The following MAPK15 variants were observed in gnomAD, a reference collection of about 807,000 sequenced individuals.
The protein encoded by MAPK15 is mitogen-activated protein kinase 15.
A neutral mutation model predicts 60.8 loss-of-function variants in MAPK15; 61 were observed. The ratio of observed to expected loss-of-function variants is 1.00; its 90% CI spans 0.82 to 1.24. MAPK15 has a LOEUF of 1.24. Ranked by LOEUF, MAPK15 falls within the 50% of genes most tolerant of loss-of-function variation. The pLI is 0.00. For synonymous variants in MAPK15, 356 were observed against 319.9 expected, an observed-to-expected ratio of 1.11 and a Z score of -1.21; for missense variants, 808 against 741.1, an observed-to-expected ratio of 1.09 and a Z score of -1.05.
intron 4 of MAPK15, chr8:143,718,540 T>C (rs1554618916): frequency 1.6e-6 from 1 of 624,514 alleles, no homozygotes; most frequent in African/African-American, 1.8e-5. Flanking sequence ...AGTTTGCAGT[T>C]GCGTTCTCCT....
rs1554619996 is a variant in MAPK15 at position 143,721,833 on chromosome 8, G to A, written c.1411G>A (p.Gly471Ser). The A allele has an allele frequency of 6.2e-7, 1 of 1,610,646 alleles. No individual in the cohort carries two copies. Among genetic ancestry groups the A allele is most frequent in the South Asian group, 1.1e-5 (1 of 90,794 alleles). Residue 471 changes from glycine (G) to serine (S), a missense_variant, in exon 13 of 14, where the codon GGT becomes AGT. Coordinates refer to ENST00000338033, the MANE Select transcript of MAPK15 (RefSeq NM_139021.3). ...AQVANQALIRGDWNRGGGVRV... is the reference protein window; with the variant it reads ...AQVANQALIRSDWNRGGGVRV... Reference sequence around the variant, plus strand: ...GGTGGCCAACCAGGCCCTGATCCGGGGTGACTGGAACCGGGGCGGTGGGGT... The same window carrying A: ...GGTGGCCAACCAGGCCCTGATCCGGAGTGACTGGAACCGGGGCGGTGGGGT...
chr8:143,722,257 C>T lies in MAPK15; in HGVS notation c.*6C>T, dbSNP rs1554620246. 4 of 1,559,058 alleles carry T rather than the reference C, an allele frequency of 2.6e-6. No homozygotes were observed. The highest frequency in any genetic ancestry group is 1.2e-5 in the South Asian group (1 of 83,076). Reference sequence around the variant, plus strand: ...TGGAGGGGCACCATGTGTGAGCCGCCCTACTCCCTTCACCTGGCCCTCTGT... The same window carrying T: ...TGGAGGGGCACCATGTGTGAGCCGCTCTACTCCCTTCACCTGGCCCTCTGT... On this transcript the variant is annotated 3_prime_UTR_variant, in exon 14 of 14. Coordinates refer to ENST00000338033, the MANE Select transcript of MAPK15 (RefSeq NM_139021.3).
Position 143,719,180 on chromosome 8 carries a change from C to T in MAPK15, c.581+24C>T, listed in dbSNP as rs782639802. The T allele has an allele frequency of 6.1e-4, 926 of 1,513,214 alleles. 1 individual carries two copies. Among genetic ancestry groups the T allele is most frequent in the Non-Finnish European group, 7.4e-4 (837 of 1,126,284 alleles). 93.7% of individuals were successfully genotyped at this position (1,513,214 alleles called of 1,614,324 possible). A position where few individuals can be genotyped will look rare whatever the true frequency, so the allele number is the denominator to read the frequency against. On this transcript the variant is annotated intron_variant, in intron 6 of 13. Transcript: ENST00000338033. ...CGGTAATAGCGAGACATCCCCAACCCCCCCTCCACCTCCCTGCTGCCCTCC... is the reference window on the plus strand; with the variant it reads ...CGGTAATAGCGAGACATCCCCAACCTCCCCTCCACCTCCCTGCTGCCCTCC...
At position 143,717,771 on chromosome 8, in the gene MAPK15, T is replaced by A. The variant is rs781856933; in HGVS notation, c.144T>A (p.Phe48Leu). The change falls in exon 2 of 14, where the codon TTT becomes TTA. Residue 48 changes from phenylalanine to leucine, a missense_variant. Phe to Leu is a conservative substitution (Grantham distance 22). Coordinates refer to ENST00000338033, the MANE Select transcript of MAPK15 (RefSeq NM_139021.3). The stretch of plus-strand genomic sequence containing the variant: ...CCATCAAGAAAATCTTTGATGCTTT[T>A]AGGGATAAGACAGATGCCCAGGTGA... ...VVAIKKIFDA[F>L]RDKTDAQRTF... is the part of the protein sequence containing the mutation. The A allele has an allele frequency of 6.2e-7, 1 of 1,611,756 alleles. No homozygotes were observed. Among genetic ancestry groups the A allele is most frequent in the Non-Finnish European group, 8.5e-7 (1 of 1,179,242 alleles).
In MAPK15 at chr8:143,718,913, T is replaced by G. The variant is rs1424652096; in HGVS notation, c.417+8T>G. 1.9e-6 allele frequency: 3 copies of G among 1,600,756 alleles called. No homozygotes were observed. The African/African-American group carries it at 4.0e-5, about 21-fold the overall frequency. On this transcript the variant is annotated splice_region_variant and intron_variant, in intron 5 of 13. Transcript: ENST00000338033. ...GTGCACCGGGACCAGAAGGTGCGGT[T>G]CCCCCGCCCCCGCTATGCCACGTGG... is the stretch of plus-strand genomic sequence containing the variant.
At position 143,722,225 on chromosome 8, in the gene MAPK15, C is replaced by T. The variant is rs1554620227; in HGVS notation, c.1609C>T (p.Pro537Ser). The T allele has an allele frequency of 6.3e-7, 1 of 1,595,920 alleles. No individual in the cohort carries two copies. ...CTGCCACTCGGCACTGGGCCACCTG[C>T]CCCTGCTGGAGGGGCACCATGTGTG... ...TVCHSALGHLPLLEGHHV is the reference protein window; with the variant it reads ...TVCHSALGHLSLLEGHHV Residue 537 changes from proline to serine, a missense_variant, in exon 14 of 14, where the codon CCC becomes TCC. Pro to Ser is a moderately conservative substitution (Grantham distance 74, BLOSUM62 -1). Transcript: ENST00000338033.
Position 143,720,180 on chromosome 8 carries a change from GC to G in MAPK15, c.722-46del, listed in dbSNP as rs1563750660. The G allele has an allele frequency of 6.5e-7, 1 of 1,543,692 alleles. No homozygotes were observed. Among genetic ancestry groups the G allele is most frequent in the Non-Finnish European group, 8.7e-7 (1 of 1,146,718 alleles). ...TGACTGGCCCCAGATGCCCTGAGCCGCCCCAGCCGACCAGGCCTGCCTGGGT... is the reference window on the plus strand; with the variant it reads ...TGACTGGCCCCAGATGCCCTGAGCCGCCCAGCCGACCAGGCCTGCCTGGGT... On this transcript the variant is annotated intron_variant, in intron 7 of 13. Coordinates refer to ENST00000338033, the MANE Select transcript of MAPK15 (RefSeq NM_139021.3). The surrounding 1 kb of genome is among the most constrained non-coding windows in gnomAD (Gnocchi z 4.6).
At position 143,721,097 on chromosome 8, in the gene MAPK15, G is replaced by C. The variant is rs375345657; in HGVS notation, c.1015G>C (p.Val339Leu). Residue 339 changes from valine (V) to leucine (L), a missense_variant, in exon 10 of 14, where the codon GTC (valine) becomes CTC (leucine). By Grantham distance (32) the Val-to-Leu change is conservative. Coordinates refer to ENST00000338033, the MANE Select transcript of MAPK15 (RefSeq NM_139021.3). ...QLSVPEYRSR[V>L]YQMILECGGS... ...CTCTGTGCCTGAGTACCGCAGCCGC[G>C]TCTATCAGGTGCTCCGGCTCTCGAC... 2.5e-6 allele frequency: 4 copies of C among 1,610,416 alleles called. No homozygotes were observed. In the African/African-American group the frequency reaches 4.0e-5, roughly 16 times the overall value.
In MAPK15 at chr8:143,720,686, C is replaced by G. The variant is rs73718145; in HGVS notation, c.780-17C>G. ...CCCTTGGGTCGGGCCCTGGAGACGACACACGGCAGCCCACAGGCCACGACA... is the reference window on the plus strand; with the variant it reads ...CCCTTGGGTCGGGCCCTGGAGACGAGACACGGCAGCCCACAGGCCACGACA... On this transcript the variant is annotated splice_polypyrimidine_tract_variant and intron_variant, in intron 8 of 13. Coordinates refer to ENST00000338033, the MANE Select transcript of MAPK15 (RefSeq NM_139021.3). The surrounding 1 kb of genome is among the most constrained non-coding windows in gnomAD (Gnocchi z 4.6). 1.9e-6 allele frequency: 3 copies of G among 1,605,664 alleles called. No individual in the cohort carries two copies. The highest frequency in any genetic ancestry group is 1.7e-5 in the Admixed American group (1 of 58,406).
chr8:143,722,195 A>G lies in MAPK15; in HGVS notation c.1579A>G (p.Thr527Ala). ...LLGGYSQAYG[T>A]VCHSALGHLP... ...TGGAGGCTACTCCCAAGCCTACGGG[A>G]CTGTCTGCCACTCGGCACTGGGCCA... The change falls in exon 14 of 14, where the codon ACT becomes GCT. Residue 527 changes from threonine to alanine, a missense_variant. By Grantham distance (58) the Thr-to-Ala change is moderately conservative. Coordinates refer to ENST00000338033, the MANE Select transcript of MAPK15 (RefSeq NM_139021.3). 4.4e-6 allele frequency: 7 copies of G among 1,608,164 alleles called. No homozygotes were observed. Among genetic ancestry groups the G allele is most frequent in the Non-Finnish European group, 5.9e-6 (7 of 1,177,580 alleles).
At chr8:143,716,936 G>A (rs1330548375) in intron 1 of MAPK15, among the ~76,000 whole-genome samples, 6 of 152,266 alleles carry the variant, frequency 3.9e-5, no homozygotes, top group African/African-American at 9.6e-5. Flanking sequence ...GTGTGTGTGC[G>A]TGGGTGTGTG....
rs1554619585 is a variant in MAPK15, at chr8:143,720,888, G to A, written c.917+48G>A. 1.3e-6 allele frequency: 2 copies of A among 1,595,740 alleles called. No homozygotes were observed. The highest frequency in any genetic ancestry group is 2.2e-5 in the East Asian group (1 of 44,622). On this transcript the variant is annotated intron_variant, in intron 9 of 13. Coordinates refer to ENST00000338033, the MANE Select transcript of MAPK15 (RefSeq NM_139021.3). The surrounding 1 kb of genome is among the most constrained non-coding windows in gnomAD (Gnocchi z 4.6). ...CAAGTGCGGGGGGACAGAGGTGGGG[G>A]CAGGAGAGAGCCAGCCCATGAGGGA...
intron 3 of MAPK15, 27 bp downstream of exon 3, chr8:143,718,103 A>G (rs1817883008): frequency 1.2e-6 from 2 of 1,613,912 alleles, no homozygotes; most frequent in Non-Finnish European, 1.7e-6. Context: ...CTCCAGTCCA[A>G]TCCCCTTGCC....
chr8:143,718,417 TG>T, intron 4 of MAPK15, 115 bp downstream of exon 4: 1 of 955,478 alleles, frequency 1.0e-6, no homozygotes, highest in Non-Finnish European at 1.7e-6. Context: ...CACAGTGGCT[TG>T]CTCCCTCACC....
intron 1 of MAPK15, among the ~76,000 whole-genome samples, chr8:143,716,945 T>TG (rs1391721339): frequency 2.6e-4 from 39 of 147,832 alleles, no homozygotes; most frequent in African/African-American, 8.8e-4. Context: ...CGTGGGTGTG[T>TG]GGGGGGGTGT....
chr8:143,722,404 AG>A lies in MAPK15; in HGVS notation c.*156del, dbSNP rs1332512046. The A allele has an allele frequency of 1.6e-6, 1 of 611,136 alleles. No individual in the cohort carries two copies. Among genetic ancestry groups the A allele is most frequent in the African/African-American group, 1.9e-5 (1 of 52,062 alleles). 37.9% of individuals were successfully genotyped at this position (611,136 alleles called of 1,614,324 possible). On this transcript the variant is annotated 3_prime_UTR_variant, in exon 14 of 14. Transcript: ENST00000338033. Reference sequence around the variant, plus strand: ...CCGGGTCTCCTCGGGGGAGCAGATGAGGGCCCTGCCCCCGCCCCACTGACTT... The same window carrying A: ...CCGGGTCTCCTCGGGGGAGCAGATGAGGCCCTGCCCCCGCCCCACTGACTT...
chr8:143,717,622 CTGTAGGG>C, intron 1 of MAPK15, 65 bp from the exon 2 acceptor site: 2 of 1,321,542 alleles, frequency 1.5e-6, no homozygotes, highest in Non-Finnish European at 1.1e-6. Context: ...AGCCTCATGT[CTGTAGGG>C]ACAATCTGGG....
intron 1 of MAPK15, among the ~76,000 whole-genome samples, 176 bp from the exon 2 acceptor site, chr8:143,717,518 T>G (rs1420583562): frequency 6.6e-6 from 1 of 151,908 alleles, no homozygotes; most frequent in African/African-American, 2.4e-5. Flanking sequence ...TCCCTCTACC[T>G]CCCCTCCTCT....
At position 143,721,119 on chromosome 8, in the gene MAPK15, C is replaced by A. The variant is rs377648631; in HGVS notation, c.1023+14C>A. ...CGCGTCTATCAGGTGCTCCGGCTCT[C>A]GACCCCTATCATCCCCTGTCTACTG... is the stretch of plus-strand genomic sequence containing the variant. On this transcript the variant is annotated intron_variant, in intron 10 of 13. Transcript: ENST00000338033. 1 of 1,607,420 alleles carries A rather than the reference C, an allele frequency of 6.2e-7. No individual in the cohort carries two copies. Among genetic ancestry groups the A allele is most frequent in the Non-Finnish European group, 8.5e-7 (1 of 1,176,612 alleles).
Sources: gnomAD v4.1 joint callset for allele counts (sites outside exome capture counted in the v4.1 genomes callset) on GRCh38, gnomAD v4.1.1 for gene constraint, Gnocchi (gnomAD v3.1) non-coding constraint, MANE v1.5 for transcripts, NCBI Gene and HGNC (gene_info 2026-07-23, HGNC 2026-07-21) for gene names.